Variants in EXT1 observed in about 807,000 individuals in gnomAD.
The protein encoded by EXT1 is exostosin glycosyltransferase 1, also known as exostosin-1.
EXT1 carries 20 observed loss-of-function variants against 82.5 expected under a neutral mutation model. The observed-to-expected ratio is 0.24, with a 90% CI of 0.17 to 0.35. EXT1 has a LOEUF of 0.35. Ranked by LOEUF, EXT1 falls within the 10% of genes least tolerant of loss-of-function variation. EXT1 has a pLI of 1.00. For synonymous variants in EXT1, 348 were observed against 350.8 expected, an observed-to-expected ratio of 0.99 and a Z score of 0.09; for missense variants, 757 against 936.5, an observed-to-expected ratio of 0.81 and a Z score of 2.50.
chr8:117,914,321 G>A (rs187025004), intron 1 of EXT1, among the ~76,000 whole-genome samples: 2 of 152,250 alleles, frequency 1.3e-5, no homozygotes, highest in African/African-American at 4.8e-5. Context: ...GAGGATGTAC[G>A]TCAGGACCAC....
At chr8:118,044,895 T>C (rs1161239479) in intron 1 of EXT1, among the ~76,000 whole-genome samples, 5 of 152,222 alleles carry the variant, frequency 3.3e-5, no homozygotes, top group African/African-American at 1.2e-4. Context: ...ACAGCTGCTA[T>C]CCTCTTACAA....
At chr8:118,052,020 C>G (rs77780593) in intron 1 of EXT1, among the ~76,000 whole-genome samples, 2,029 of 152,312 alleles carry the variant, frequency 0.013, 41 homozygotes, top group African/African-American at 0.046. Flanking sequence ...TTGAGAGTAA[C>G]AGATGAACTA....
intron 1 of EXT1, among the ~76,000 whole-genome samples, chr8:118,068,741 C>G (rs1468067295): frequency 6.6e-6 from 1 of 152,206 alleles, no homozygotes; most frequent in East Asian, 1.9e-4. Context: ...TCCAAGTACA[C>G]CTGCCTGATA....
chr8:118,026,728 G>A (rs1411282743), intron 1 of EXT1, among the ~76,000 whole-genome samples: 1 of 152,120 alleles, frequency 6.6e-6, no homozygotes, highest in African/African-American at 2.4e-5. Flanking sequence ...AACAGCATTA[G>A]CTACTACAAA....
chr8:117,968,994 A>G (rs1017938112), intron 1 of EXT1, among the ~76,000 whole-genome samples: 2 of 152,234 alleles, frequency 1.3e-5, no homozygotes, highest in African/African-American at 2.4e-5. Context: ...GTGGTATATA[A>G]AAGAAGGAAA....
intron 1 of EXT1, among the ~76,000 whole-genome samples, chr8:117,997,322 T>G (rs1293680848): frequency 6.7e-6 from 1 of 148,668 alleles, no homozygotes; most frequent in East Asian, 1.9e-4. Context: ...TAATTTTTTT[T>G]AACAAATCGT....
intron 1 of EXT1, among the ~76,000 whole-genome samples, chr8:117,922,282 C>T (rs908997700): frequency 6.6e-6 from 1 of 152,028 alleles, no homozygotes; most frequent in Non-Finnish European, 1.5e-5. Context: ...TTTTATCTCC[C>T]GAGGTCTAAG....
At chr8:118,018,038 T>C (rs4876398) in intron 1 of EXT1, among the ~76,000 whole-genome samples, 49,919 of 152,146 alleles carry the variant, frequency 0.33, 8,326 homozygotes, top group South Asian at 0.45. Context: ...TTACAATTAA[T>C]TTTCACCCTT....
chr8:117,898,715 A>C (rs184336453), intron 1 of EXT1, among the ~76,000 whole-genome samples: 86 of 152,306 alleles, frequency 5.6e-4, no homozygotes, highest in South Asian at 8.3e-4. Flanking sequence ...GGAAAAAAAA[A>C]CAGAAACTCA....
chr8:118,062,424 G>C (rs574229625), intron 1 of EXT1, among the ~76,000 whole-genome samples: 2 of 152,290 alleles, frequency 1.3e-5, no homozygotes, highest in African/African-American at 4.8e-5. Flanking sequence ...AAGGACTCAG[G>C]AAGCAGAGGA....
rs200179887 is a variant in EXT1 at position 117,807,396 on chromosome 8, C to A, written c.1723-19G>T. The A allele has an allele frequency of 6.2e-7, 1 of 1,614,078 alleles. No homozygotes were observed. Among genetic ancestry groups the A allele is most frequent in the East Asian group, 2.2e-5 (1 of 44,878 alleles). ...AATCCACCTGCAGGCAGAACACAAG[C>A]CAAACAAGCAATCAACAGTGTTAAC... is the stretch of plus-strand genomic sequence containing the variant. On this transcript the variant is annotated intron_variant, in intron 8 of 10. Transcript: ENST00000378204.
chr8:118,065,039 G>C (rs1434834546), intron 1 of EXT1, among the ~76,000 whole-genome samples: 1 of 151,888 alleles, frequency 6.6e-6, no homozygotes, highest in African/African-American at 2.4e-5. Flanking sequence ...TTTTAGTAGA[G>C]ATGGGGTTTC....
intron 1 of EXT1, among the ~76,000 whole-genome samples, chr8:117,899,738 T>C (rs1462724221): frequency 6.6e-6 from 1 of 152,164 alleles, no homozygotes; most frequent in Non-Finnish European, 1.5e-5. Context: ...ATGCAACCAA[T>C]ATAAAATAAA....
intron 1 of EXT1, among the ~76,000 whole-genome samples, chr8:118,016,579 C>A (rs1166622528): frequency 6.6e-6 from 1 of 152,136 alleles, no homozygotes; most frequent in Non-Finnish European, 1.5e-5. Context: ...AGAATTTAGT[C>A]TGGTGGGAAG....
At chr8:118,017,165 T>C (rs752762101) in intron 1 of EXT1, among the ~76,000 whole-genome samples, 4 of 152,172 alleles carry the variant, frequency 2.6e-5, no homozygotes, top group African/African-American at 9.7e-5. Flanking sequence ...TGAATCTGAA[T>C]CTGATCACCA....
chr8:118,109,238 G>C (rs1403071092), intron 1 of EXT1, among the ~76,000 whole-genome samples: 2 of 151,998 alleles, frequency 1.3e-5, no homozygotes, highest in Admixed American at 6.5e-5. Context: ...GGGTAAGGAG[G>C]CATCTCACAC....
intron 1 of EXT1, among the ~76,000 whole-genome samples, chr8:117,857,985 T>A (rs999798528): frequency 6.6e-6 from 1 of 152,196 alleles, no homozygotes. Flanking sequence ...ACTGCAGATA[T>A]GGTAGAACTA....
At chr8:117,917,303 G>A (rs921220597) in intron 1 of EXT1, among the ~76,000 whole-genome samples, 3 of 151,886 alleles carry the variant, frequency 2.0e-5, no homozygotes, top group Non-Finnish European at 4.4e-5. Flanking sequence ...GCTTAATCCC[G>A]TCTCTACCAA....
chr8:118,032,046 A>G (rs1299182771), intron 1 of EXT1, among the ~76,000 whole-genome samples: 1 of 150,748 alleles, frequency 6.6e-6, no homozygotes, highest in Non-Finnish European at 1.5e-5. Flanking sequence ...TGACTGGCTG[A>G]GCAATTGGGT....
Sources: allele counts gnomAD v4.1 joint callset (sites outside exome capture counted in the v4.1 genomes callset), GRCh38; gene constraint gnomAD v4.1.1; transcripts MANE v1.5; gene names NCBI Gene and HGNC (gene_info 2026-07-23, HGNC 2026-07-21).